The following NAV1 variants were observed in gnomAD, a reference collection of about 807,000 sequenced individuals.
NAV1 encodes the protein neuron navigator 1, also known as pore membrane and/or filament interacting like protein 3.
NAV1 carries 18 observed loss-of-function variants against 175.2 expected under a neutral mutation model. That is an observed-to-expected ratio of 0.10 (90% CI 0.07 to 0.15). NAV1 has a LOEUF of 0.15. NAV1 is among the 10% of genes least tolerant of loss of function. The probability of loss-of-function intolerance (pLI) is 1.00; values close to 1 mark genes in which losing one functional copy is unlikely to be tolerated. For synonymous variants in NAV1, 897 were observed against 978.7 expected (o/e 0.92, Z 1.56); for missense variants, 1,731 against 2,436.6 (o/e 0.71, Z 6.10).
chr1:201,725,677 T>C (rs1571908970), intron 3 of NAV1, among the ~76,000 whole-genome samples: 1 of 148,930 alleles, frequency 6.7e-6, no homozygotes, highest in Non-Finnish European at 1.5e-5. Context: ...ATAAGTGGGC[T>C]AGGCGCAGTG....
At chr1:201,541,081 T>A (rs74136639) in intron 1 of NAV1, among the ~76,000 whole-genome samples, 3,392 of 152,336 alleles carry the variant, frequency 0.022, 119 homozygotes, top group African/African-American at 0.077. Flanking sequence ...GGGGCAGGTC[T>A]CACATTCTGC....
At position 201,745,804 on chromosome 1, in the gene NAV1, C is replaced by T. The variant is rs191102597; in HGVS notation, c.1226+27049C>T. On this transcript the variant is annotated intron_variant, in intron 3 of 29. Coordinates refer to ENST00000367296, the Ensembl canonical transcript of NAV1. Reference sequence around the variant, plus strand: ...AAGAAGAGCTGCTAATGAGGTTCCCCAGCCTCCAGGGAAGTTAATTTTATT... The same window carrying T: ...AAGAAGAGCTGCTAATGAGGTTCCCTAGCCTCCAGGGAAGTTAATTTTATT... Among the ~76,000 whole-genome samples, 162 of 152,294 alleles carry T rather than the reference C, an allele frequency of 1.1e-3. 1 individual carries two copies. Among genetic ancestry groups the T allele is most frequent in the South Asian group, 7.1e-3 (34 of 4,812 alleles).
In NAV1 at chr1:201,810,620, C is replaced by T. The variant is rs1678632317; in HGVS notation, c.4659C>T (p.Arg1553=). The change falls in exon 24 of 30, where the codon CGC becomes CGT. Residue 1553 remains arginine, a synonymous_variant. Transcript: ENST00000367296. This position sits in a 1 kb window ranked among gnomAD's most constrained non-coding sequence, Gnocchi z 6.0. ...TAAGCCTCCTGCTGAAGCACCGGCGCCTCGTCCTCTCGGGCCCCAGCGGCA... is the reference window on the plus strand; with the variant it reads ...TAAGCCTCCTGCTGAAGCACCGGCGTCTCGTCCTCTCGGGCCCCAGCGGCA... 1 of 1,614,150 alleles carries T rather than the reference C, an allele frequency of 6.2e-7. No homozygotes were observed.
At chr1:201,711,933 CCT>C (rs1273104960) in intron 1 of NAV1, among the ~76,000 whole-genome samples, 3 of 152,102 alleles carry the variant, frequency 2.0e-5, no homozygotes, top group African/African-American at 7.2e-5. Flanking sequence ...TTATTTTCAC[CCT>C]GTTTGCTGTT....
At chr1:201,773,424 G>A (rs777830652) in intron 3 of NAV1, among the ~76,000 whole-genome samples, 1 of 152,216 alleles carries the variant, frequency 6.6e-6, no homozygotes, top group Non-Finnish European at 1.5e-5. Flanking sequence ...ACACTTTTGG[G>A]TGATTAGGCT....
intron 1 of NAV1, among the ~76,000 whole-genome samples, chr1:201,582,036 C>T (rs1666883320): frequency 6.6e-6 from 1 of 152,204 alleles, no homozygotes; most frequent in Non-Finnish European, 1.5e-5. Context: ...GCGGAGCTTG[C>T]AGTGAGCTGA....
chr1:201,810,255 A>G lies in NAV1; in HGVS notation c.4561+150A>G, dbSNP rs1373695990. 1.6e-5 allele frequency: 19 copies of G among 1,202,912 alleles called. No individual in the cohort carries two copies. The highest frequency in any genetic ancestry group is 1.9e-5 in the Non-Finnish European group (17 of 875,348). The allele number at this position is 1,202,912 out of a possible 1,614,324, so 74.5% of individuals were successfully genotyped here. A position where few individuals can be genotyped will look rare whatever the true frequency, so the allele number is the denominator to read the frequency against. On this transcript the variant is annotated intron_variant, in intron 23 of 29. Transcript: ENST00000367296. This position sits in a 1 kb window ranked among gnomAD's most constrained non-coding sequence, Gnocchi z 6.0. Reference sequence around the variant, plus strand: ...TAATGTGAGATATAAAAAGATGAGTAAGACCCAGTCCTAACTTTGGCTCCC... The same window carrying G: ...TAATGTGAGATATAAAAAGATGAGTGAGACCCAGTCCTAACTTTGGCTCCC...
At position 201,771,431 on chromosome 1, in the gene NAV1, G is replaced by A. The variant is rs536270793; in HGVS notation, c.1227-8990G>A. On this transcript the variant is annotated intron_variant, in intron 3 of 29. Transcript: ENST00000367296. Reference sequence around the variant, plus strand: ...GGAGAATTGCTTGAACCCGGGAGGCGGAGGTTGCAGTGAGCCGAGACCACA... The same window carrying A: ...GGAGAATTGCTTGAACCCGGGAGGCAGAGGTTGCAGTGAGCCGAGACCACA... 8.9e-5 allele frequency among the ~76,000 whole-genome samples: 13 copies of A among 146,240 alleles called. No individual in the cohort carries two copies. In the South Asian group the frequency reaches 2.0e-3, roughly 22 times the overall value.
intron 1 of NAV1, among the ~76,000 whole-genome samples, chr1:201,668,188 G>C (rs923004674): frequency 7.9e-5 from 12 of 152,140 alleles, no homozygotes; most frequent in African/African-American, 2.9e-4. Context: ...CAAAGAGCAG[G>C]CCAGCAAGGA....
At chr1:201,785,183 GTC>G in intron 7 of NAV1, 125 bp from the exon 12 acceptor site, 1 of 884,280 alleles carries the variant, frequency 1.1e-6, no homozygotes, top group South Asian at 1.8e-5. Flanking sequence ...GCTAAAGCAG[GTC>G]ATAGTTTGAT....
At chr1:201,695,108 A>G (rs1289479290) in intron 1 of NAV1, among the ~76,000 whole-genome samples, 1 of 152,224 alleles carries the variant, frequency 6.6e-6, no homozygotes, top group Non-Finnish European at 1.5e-5. Flanking sequence ...GCTTTGGCCC[A>G]GCTCTTAAGT....
intron 3 of NAV1, chr1:201,724,281 T>A (rs1158472813): frequency 6.6e-6 from 1 of 152,226 alleles, no homozygotes; most frequent in Admixed American, 6.5e-5. Context: ...AGAAGATAAG[T>A]TTCACAGCCA....
chr1:201,567,695 G>A (rs1003484699), intron 1 of NAV1, among the ~76,000 whole-genome samples: 1 of 152,108 alleles, frequency 6.6e-6, no homozygotes, highest in Non-Finnish European at 1.5e-5. Context: ...TCTACCTGCC[G>A]CTGCTTTGTG....
exon 1 of NAV1, chr1:201,648,853 C>A: frequency 5.6e-6 from 9 of 1,611,228 alleles, no homozygotes; most frequent in Non-Finnish European, 7.6e-6. Flanking sequence ...GCCAGCGCGG[C>A]TGAGCTGAAG....
intron 1 of NAV1, among the ~76,000 whole-genome samples, chr1:201,553,082 A>G (rs951108087): frequency 6.6e-6 from 1 of 152,202 alleles, no homozygotes; most frequent in African/African-American, 2.4e-5. Flanking sequence ...TGTAAATAGC[A>G]CCCGCTTGGC....
intron 2 of NAV1, among the ~76,000 whole-genome samples, chr1:201,615,668 C>T (rs1001591408): frequency 6.6e-6 from 1 of 152,190 alleles, no homozygotes. Flanking sequence ...CTACTTATTG[C>T]AGATGCGGAC....
intron 2 of NAV1, among the ~76,000 whole-genome samples, chr1:201,634,422 C>T (rs1188466209): frequency 6.6e-6 from 1 of 152,174 alleles, no homozygotes; most frequent in Non-Finnish European, 1.5e-5. Context: ...AGAGGTCATG[C>T]TCTTAACCAT....
intron 1 of NAV1, among the ~76,000 whole-genome samples, chr1:201,565,887 A>G (rs943875275): frequency 9.2e-5 from 14 of 152,108 alleles, no homozygotes; most frequent in Admixed American, 9.2e-4. Flanking sequence ...CCCAATCCCT[A>G]GTCACTGAAC....
intron 1 of NAV1, among the ~76,000 whole-genome samples, chr1:201,665,006 T>C (rs1669757038): frequency 6.6e-6 from 1 of 152,196 alleles, no homozygotes; most frequent in South Asian, 2.1e-4. Flanking sequence ...CTCCCCAGGA[T>C]GCTAGTTCCT....
Sources: allele counts gnomAD v4.1 joint callset (sites outside exome capture counted in the v4.1 genomes callset), GRCh38; gene constraint gnomAD v4.1.1; non-coding constraint Gnocchi (gnomAD v3.1); transcripts MANE v1.5; gene names NCBI Gene and HGNC (gene_info 2026-07-23, HGNC 2026-07-21).